The following MYT1L variants were observed in gnomAD, a reference collection of about 807,000 sequenced individuals.
The protein encoded by MYT1L is myelin transcription factor 1 like.
Under a neutral mutation model 126.7 loss-of-function variants are expected in MYT1L, and 12 were observed. The ratio of observed to expected loss-of-function variants is 0.09; its 90% CI spans 0.06 to 0.15. The LOEUF is 0.15. Among genes scored for constraint, MYT1L ranks in the 10% least tolerant of loss-of-function variants. The pLI is 1.00. For synonymous variants in MYT1L, 541 were observed against 604.2 expected, an observed-to-expected ratio of 0.90 and a Z score of 1.53; for missense variants, 979 against 1,585.2, an observed-to-expected ratio of 0.62 and a Z score of 6.49.
chr2:2,325,498 G>C (rs2096234625), intron 1 of MYT1L: 1 of 152,146 alleles, frequency 6.6e-6, no homozygotes, highest in Admixed American at 6.5e-5. Flanking sequence ...TTTTAAAATA[G>C]CTAAGGGAAC....
intron 3 of MYT1L, among the ~76,000 whole-genome samples, chr2:2,112,352 C>G (rs2079568399): frequency 6.6e-6 from 1 of 152,214 alleles, no homozygotes; most frequent in African/African-American, 2.4e-5. Context: ...TTAAATGTAT[C>G]ACCCCACAAT....
intron 3 of MYT1L, among the ~76,000 whole-genome samples, chr2:2,142,116 G>GT (rs2084074344): frequency 6.6e-6 from 1 of 151,990 alleles, no homozygotes; most frequent in Non-Finnish European, 1.5e-5. Flanking sequence ...TCTCTCATAT[G>GT]ACACAAAATT....
At chr2:2,151,700 A>G (rs934284021) in intron 3 of MYT1L, among the ~76,000 whole-genome samples, 26 of 152,224 alleles carry the variant, frequency 1.7e-4, no homozygotes, top group Admixed American at 5.2e-4. Flanking sequence ...AGTTTAATTT[A>G]TAAATTAGGC....
intron 1 of MYT1L, among the ~76,000 whole-genome samples, chr2:2,323,130 A>G (rs957979560): frequency 1.3e-5 from 2 of 152,172 alleles, no homozygotes; most frequent in African/African-American, 4.8e-5. Flanking sequence ...CAGCAGCTTC[A>G]CATGAAGGGT....
chr2:2,079,314 A>G (rs1323665159), intron 3 of MYT1L, among the ~76,000 whole-genome samples: 1 of 152,220 alleles, frequency 6.6e-6, no homozygotes, highest in African/African-American at 2.4e-5. Context: ...TGTATACTAA[A>G]AGCTATATTA....
chr2:1,928,312 C>T (rs2054497736), intron 9 of MYT1L, among the ~76,000 whole-genome samples: 1 of 152,202 alleles, frequency 6.6e-6, no homozygotes, highest in African/African-American at 2.4e-5. Context: ...TAGTCTGACT[C>T]ACCTGAGTCT....
intron 22 of MYT1L, among the ~76,000 whole-genome samples, chr2:1,808,490 G>T (rs1390846763): frequency 6.6e-6 from 1 of 152,192 alleles, no homozygotes; most frequent in Non-Finnish European, 1.5e-5. Flanking sequence ...AGATCATGAG[G>T]GTGGACTGTG....
chr2:2,213,702 T>C (rs988581536), intron 2 of MYT1L, among the ~76,000 whole-genome samples: 1 of 152,214 alleles, frequency 6.6e-6, no homozygotes, highest in Admixed American at 6.5e-5. Flanking sequence ...AGCTAGACCA[T>C]ATCATACTAT....
At chr2:2,061,755 A>C (rs1439261379) in intron 3 of MYT1L, among the ~76,000 whole-genome samples, 2 of 152,178 alleles carry the variant, frequency 1.3e-5, no homozygotes, top group South Asian at 4.1e-4. Context: ...TTGTGGTCTG[A>C]CAGGCTGCAA....
rs114796308 is a variant in MYT1L, at chr2:2,133,129, G to A, written c.-304+39743C>T. The stretch of plus-strand genomic sequence containing the variant: ...AGACGGCGCTTTTTGAATGTTTAGG[G>A]CAAAGGCTCGCATGCCAGCATTACC... On this transcript the variant is annotated intron_variant, in intron 3 of 24. Coordinates refer to ENST00000647738, the MANE Select transcript of MYT1L (RefSeq NM_001303052.2). 4.9e-3 allele frequency among the ~76,000 whole-genome samples: 739 copies of A among 152,212 alleles called. 6 individuals carry two copies. The highest frequency in any genetic ancestry group is 0.017 in the African/African-American group (715 of 41,516).
Position 1,791,603 on chromosome 2 carries a change from T to G in MYT1L, c.*264A>C, listed in dbSNP as rs1001629022. 4.5e-6 allele frequency: 2 copies of G among 443,582 alleles called. No homozygotes were observed. Among genetic ancestry groups the G allele is most frequent in the African/African-American group, 4.0e-5 (2 of 50,448 alleles). 27.5% of individuals were successfully genotyped at this position (443,582 alleles called of 1,614,324 possible). On this transcript the variant is annotated 3_prime_UTR_variant, in exon 25 of 25. Coordinates refer to ENST00000647738, the MANE Select transcript of MYT1L (RefSeq NM_001303052.2). This position sits in a 1 kb window ranked among gnomAD's most constrained non-coding sequence, Gnocchi z 6.0. ...CTTCAGAAATAGATATACCCCCAAA[T>G]GTGCATACATCAGCAGCTATAAACA...
At chr2:2,249,832 A>G (rs1021707809) in intron 2 of MYT1L, among the ~76,000 whole-genome samples, 1 of 152,202 alleles carries the variant, frequency 6.6e-6, no homozygotes, top group African/African-American at 2.4e-5. Flanking sequence ...TTTATAAAAA[A>G]AACTAATAAT....
In MYT1L at chr2:2,204,029, A is replaced by T. The variant is rs2093200792; in HGVS notation, c.-420-31041T>A. Among the ~76,000 whole-genome samples, 3 of 152,246 alleles carry T rather than the reference A, an allele frequency of 2.0e-5. No homozygotes were observed. In the South Asian group the frequency reaches 6.2e-4, roughly 32 times the overall value. Reference sequence around the variant, plus strand: ...ATGGGGAAGGCATTCCCTATTTAATAAATGGTGCTGGGAAAACTGGCTAGC... The same window carrying T: ...ATGGGGAAGGCATTCCCTATTTAATTAATGGTGCTGGGAAAACTGGCTAGC... On this transcript the variant is annotated intron_variant, in intron 2 of 24. Coordinates refer to ENST00000647738, the MANE Select transcript of MYT1L (RefSeq NM_001303052.2).
chr2:2,095,931 C>T (rs2077416638), intron 3 of MYT1L, among the ~76,000 whole-genome samples: 1 of 152,000 alleles, frequency 6.6e-6, no homozygotes, highest in Non-Finnish European at 1.5e-5. Context: ...CGAGTTGGGC[C>T]CCAGATGCCG....
At chr2:2,065,414 T>C (rs2071102398) in intron 3 of MYT1L, among the ~76,000 whole-genome samples, 1 of 152,226 alleles carries the variant, frequency 6.6e-6, no homozygotes, top group Non-Finnish European at 1.5e-5. Context: ...GTTACCTTGC[T>C]GTATGCATTA....
intron 1 of MYT1L, among the ~76,000 whole-genome samples, chr2:2,330,154 G>A (rs1336791439): frequency 6.6e-6 from 1 of 152,068 alleles, no homozygotes; most frequent in African/African-American, 2.4e-5. Context: ...GGTCTATGAC[G>A]TTAATTTTGT....
intron 1 of MYT1L, among the ~76,000 whole-genome samples, chr2:2,321,333 G>A (rs1256978146): frequency 3.9e-5 from 6 of 152,156 alleles, no homozygotes; most frequent in Non-Finnish European, 7.4e-5. Context: ...AGCAGACTCG[G>A]TTTGATGGCT....
intron 1 of MYT1L, among the ~76,000 whole-genome samples, chr2:2,313,881 G>A (rs868322947): frequency 2.6e-5 from 4 of 151,982 alleles, no homozygotes; most frequent in Non-Finnish European, 4.4e-5. Context: ...TAACGCTGGG[G>A]CCCAACCCTC....
chr2:1,909,756 G>T (rs2051637205), intron 13 of MYT1L, among the ~76,000 whole-genome samples: 1 of 152,148 alleles, frequency 6.6e-6, no homozygotes, highest in South Asian at 2.1e-4. Context: ...TCAGGGCATT[G>T]GGCGTAACAG....
Sources: gnomAD v4.1 joint callset for allele counts (sites outside exome capture counted in the v4.1 genomes callset) on GRCh38, gnomAD v4.1.1 for gene constraint, Gnocchi (gnomAD v3.1) non-coding constraint, MANE v1.5 for transcripts, NCBI Gene and HGNC (gene_info 2026-07-23, HGNC 2026-07-21) for gene names.